The following GALNT18 variants were observed in gnomAD, a reference collection of about 807,000 sequenced individuals.
GALNT18 encodes the protein GalNAc-transferase 18.
In GALNT18, 44 loss-of-function variants were observed where a neutral mutation model predicts 69.5. The ratio of observed to expected loss-of-function variants is 0.63; its 90% confidence interval spans 0.50 to 0.81. The LOEUF (loss-of-function observed/expected upper bound fraction) is 0.81. Ranked by LOEUF, GALNT18 falls within the 40% of genes least tolerant of loss-of-function variation. The probability of loss-of-function intolerance (pLI) is 0.00; values close to 1 mark genes in which losing one functional copy is unlikely to be tolerated. For missense variants in GALNT18, 715 were observed against 810.0 expected (o/e 0.88, Z 1.42); for synonymous variants, 364 against 318.2 (o/e 1.14, Z -1.53).
intron 2 of GALNT18, among the ~76,000 whole-genome samples, chr11:11,445,969 G>A (rs1855641456): frequency 6.6e-6 from 1 of 152,190 alleles, no homozygotes; most frequent in African/African-American, 2.4e-5. Context: ...ACAGGTGAGA[G>A]TGGGTGGGGC....
intron 6 of GALNT18, among the ~76,000 whole-genome samples, chr11:11,358,373 C>T (rs115609187): frequency 0.017 from 2,412 of 140,184 alleles, 443 homozygotes; most frequent in African/African-American, 0.061. Flanking sequence ...CATTTTCCCC[C>T]TCAAACTATC....
rs867515627 is a variant in GALNT18 at position 11,505,388 on chromosome 11, G to A, written c.236-56452C>T. Among the ~76,000 whole-genome samples the A allele has an allele frequency of 1.3e-5, 2 of 152,156 alleles. No homozygotes were observed. Among genetic ancestry groups the A allele is most frequent in the African/African-American group, 4.8e-5 (2 of 41,416 alleles). ...CTTGAATCTCTATGAAGGATGGCAGGCAGATGGCATGCATACCAGCACTGA... is the reference window on the plus strand; with the variant it reads ...CTTGAATCTCTATGAAGGATGGCAGACAGATGGCATGCATACCAGCACTGA... On this transcript the variant is annotated intron_variant, in intron 1 of 10. Coordinates refer to ENST00000227756, the MANE Select transcript of GALNT18 (RefSeq NM_198516.3). This position sits in a 1 kb window ranked among gnomAD's most constrained non-coding sequence, Gnocchi z 4.6.
In GALNT18 at chr11:11,337,501, G is replaced by T. The variant is rs771012976; in HGVS notation, c.1278+3318C>A. Among the ~76,000 whole-genome samples, 1 of 152,190 alleles carries T rather than the reference G, an allele frequency of 6.6e-6. No individual in the cohort carries two copies. Among genetic ancestry groups the T allele is most frequent in the Non-Finnish European group, 1.5e-5 (1 of 68,042 alleles). On this transcript the variant is annotated intron_variant, in intron 7 of 10. Transcript: ENST00000227756. This position sits in a 1 kb window ranked among gnomAD's most constrained non-coding sequence, Gnocchi z 4.9. ...CCCAACTGATTTTGAAGTTCAGCCA[G>T]ATTTGAAAGCCACTGTTCTAATGAG...
Position 11,283,373 on chromosome 11 carries a change from C to T in GALNT18, c.1677+9656G>A, listed in dbSNP as rs534725945. 2.6e-3 allele frequency among the ~76,000 whole-genome samples: 403 copies of T among 152,296 alleles called. 3 individuals are homozygous for T. Among genetic ancestry groups the T allele is most frequent in the African/African-American group, 9.1e-3 (380 of 41,544 alleles). ...TGTTGGCCAGGCTGGTCTCGAACTC[C>T]TGACCTCAGGTGATCTGCCTGCCTC... is the stretch of plus-strand genomic sequence containing the variant. On this transcript the variant is annotated intron_variant, in intron 10 of 10. Coordinates refer to ENST00000227756, the MANE Select transcript of GALNT18 (RefSeq NM_198516.3).
Position 11,427,255 on chromosome 11 carries a change from A to T in GALNT18, c.595+5366T>A, listed in dbSNP as rs1855154738. ...CATAACGGCCACTTACAGAGCCTTC[A>T]GTCCCTGGCTTCTGAGCGAGAGCTA... On this transcript the variant is annotated intron_variant, in intron 3 of 10. Transcript: ENST00000227756. Among the ~76,000 whole-genome samples, 3 of 152,242 alleles carry T rather than the reference A, an allele frequency of 2.0e-5. No individual in the cohort carries two copies. The South Asian group carries it at 6.2e-4, about 31-fold the overall frequency.
chr11:11,303,718 C>T lies in GALNT18; in HGVS notation c.1513-10525G>A, dbSNP rs1325968838. ...GCAGCCATGATGACACCTGAGGTCC[C>T]TGCAAGGCAGACCTGGGGCTCTGAG... On this transcript the variant is annotated intron_variant, in intron 9 of 10. Transcript: ENST00000227756. Among the ~76,000 whole-genome samples, 5 of 152,224 alleles carry T rather than the reference C, an allele frequency of 3.3e-5. No individual in the cohort carries two copies. In the East Asian group the frequency reaches 9.6e-4, roughly 29 times the overall value.
intron 1 of GALNT18, among the ~76,000 whole-genome samples, chr11:11,594,480 C>T (rs910635240): frequency 5.3e-5 from 8 of 152,090 alleles, no homozygotes; most frequent in Non-Finnish European, 8.8e-5. Context: ...ATTTCCCATC[C>T]CCACACTCAG....
At position 11,500,207 on chromosome 11, in the gene GALNT18, G is replaced by A. The variant is rs74761948; in HGVS notation, c.236-51271C>T. Among the ~76,000 whole-genome samples the A allele has an allele frequency of 9.0e-3, 1,374 of 152,318 alleles. 14 individuals carry two copies. The highest frequency in any genetic ancestry group is 0.017 in the Middle Eastern group (5 of 292). ...AGGAGCCTATAGGGAGAAAGTCACA[G>A]CACAGGGTTCTAGAAAAGTATAGAT... is the stretch of plus-strand genomic sequence containing the variant. On this transcript the variant is annotated intron_variant, in intron 1 of 10. Transcript: ENST00000227756. The surrounding 1 kb of genome is among the most constrained non-coding windows in gnomAD (Gnocchi z 5.0).
chr11:11,480,004 C>T lies in GALNT18; in HGVS notation c.236-31068G>A, dbSNP rs1856488435. On this transcript the variant is annotated intron_variant, in intron 1 of 10. Coordinates refer to ENST00000227756, the MANE Select transcript of GALNT18 (RefSeq NM_198516.3). This position sits in a 1 kb window ranked among gnomAD's most constrained non-coding sequence, Gnocchi z 4.6. ...TGAGGAGAGAGGAGCAAGGCTGCTACCCCAAGCCCCACCAGGAGGCTAGAG... is the reference window on the plus strand; with the variant it reads ...TGAGGAGAGAGGAGCAAGGCTGCTATCCCAAGCCCCACCAGGAGGCTAGAG... Among the ~76,000 whole-genome samples, 1 of 152,126 alleles carries T rather than the reference C, an allele frequency of 6.6e-6. No homozygotes were observed. Among genetic ancestry groups the T allele is most frequent in the Non-Finnish European group, 1.5e-5 (1 of 68,026 alleles).
At position 11,341,516 on chromosome 11, in the gene GALNT18, G is replaced by C. The variant is rs9888210; in HGVS notation, c.1093-512C>G. 0.49 allele frequency among the ~76,000 whole-genome samples: 74,745 copies of C among 152,016 alleles called. 20,856 individuals are homozygous for C. Among genetic ancestry groups the C allele is most frequent in the African/African-American group, 0.77 (32,110 of 41,472 alleles). ...CACCCTTCTTCTAGTGCATCTTTCC[G>C]AGGCTCTGGGTTCTGACTGAATCTG... is the stretch of plus-strand genomic sequence containing the variant. On this transcript the variant is annotated intron_variant, in intron 6 of 10. Coordinates refer to ENST00000227756, the MANE Select transcript of GALNT18 (RefSeq NM_198516.3). The surrounding 1 kb of genome is among the most constrained non-coding windows in gnomAD (Gnocchi z 6.3).
At chr11:11,329,387 C>A (rs780635716) in intron 8 of GALNT18, among the ~76,000 whole-genome samples, 1 of 152,160 alleles carries the variant, frequency 6.6e-6, no homozygotes, top group Non-Finnish European at 1.5e-5. Context: ...GATATTATCT[C>A]TTTTAAGGAT....
At chr11:11,275,012 G>T (rs1214238604) in intron 10 of GALNT18, among the ~76,000 whole-genome samples, 1 of 152,216 alleles carries the variant, frequency 6.6e-6, no homozygotes, top group Non-Finnish European at 1.5e-5. Context: ...AAACATACAT[G>T]TGCATGGGTC....
chr11:11,520,466 G>A (rs1454317589), intron 1 of GALNT18, among the ~76,000 whole-genome samples: 1 of 152,216 alleles, frequency 6.6e-6, no homozygotes, highest in Non-Finnish European at 1.5e-5. Context: ...GCCCCAGCAT[G>A]TCAGACATCT....
At position 11,315,551 on chromosome 11, in the gene GALNT18, T is replaced by C. The variant is rs1298229427; in HGVS notation, c.1512+11535A>G. On this transcript the variant is annotated intron_variant, in intron 9 of 10. Transcript: ENST00000227756. The surrounding 1 kb of genome is among the most constrained non-coding windows in gnomAD (Gnocchi z 5.6). ...TTTCAGCCCAACTCTTAGCCTCCGA[T>C]GTCCCCTTTCTTCACCCGTGTAGAG... Among the ~76,000 whole-genome samples, 1 of 152,162 alleles carries C rather than the reference T, an allele frequency of 6.6e-6. No individual in the cohort carries two copies. Among genetic ancestry groups the C allele is most frequent in the Non-Finnish European group, 1.5e-5 (1 of 68,032 alleles).
chr11:11,339,190 G>T lies in GALNT18; in HGVS notation c.1278+1629C>A, dbSNP rs559585144. On this transcript the variant is annotated intron_variant, in intron 7 of 10. Transcript: ENST00000227756. The surrounding 1 kb of genome is among the most constrained non-coding windows in gnomAD (Gnocchi z 5.2). ...ACTGATCCTTTCCTTCTCCACCTAAGGCTTTATCCTGGGCAATTCCACCTC... is the reference window on the plus strand; with the variant it reads ...ACTGATCCTTTCCTTCTCCACCTAATGCTTTATCCTGGGCAATTCCACCTC... Among the ~76,000 whole-genome samples, 31 of 152,252 alleles carry T rather than the reference G, an allele frequency of 2.0e-4. No individual in the cohort carries two copies. Among genetic ancestry groups the T allele is most frequent in the Non-Finnish European group, 3.8e-4 (26 of 68,010 alleles).
intron 6 of GALNT18, among the ~76,000 whole-genome samples, chr11:11,355,263 A>C (rs1850506612): frequency 6.6e-6 from 1 of 152,214 alleles, no homozygotes; most frequent in South Asian, 2.1e-4. Flanking sequence ...AAAATATAAA[A>C]AATCCCTGAC....
chr11:11,345,750 C>T (rs1023884713), intron 6 of GALNT18, among the ~76,000 whole-genome samples: 4 of 152,094 alleles, frequency 2.6e-5, no homozygotes, highest in Admixed American at 1.3e-4. Context: ...GGAGAGACGG[C>T]AGGTAGCTGG....
At chr11:11,569,540 C>T (rs1858735000) in intron 1 of GALNT18, among the ~76,000 whole-genome samples, 1 of 152,200 alleles carries the variant, frequency 6.6e-6, no homozygotes, top group African/African-American at 2.4e-5. Context: ...GCCCAAGGGG[C>T]TGGGAGCTTT....
Position 11,314,837 on chromosome 11 carries a change from GCAGT to G in GALNT18, c.1512+12245_1512+12248del, listed in dbSNP as rs1234624655. On this transcript the variant is annotated intron_variant, in intron 9 of 10. Transcript: ENST00000227756. The surrounding 1 kb of genome is among the most constrained non-coding windows in gnomAD (Gnocchi z 5.2). ...CCTCTTCCCAGCCTTCGCCGTGGGA[GCAGT>G]TGCTCCTGGCTGTGACATAGTAAAA... Among the ~76,000 whole-genome samples, 1 of 150,088 alleles carries G rather than the reference GCAGT, an allele frequency of 6.7e-6. No homozygotes were observed. The highest frequency in any genetic ancestry group is 1.5e-5 in the Non-Finnish European group (1 of 66,764).
Sources: allele counts gnomAD v4.1 joint callset (sites outside exome capture counted in the v4.1 genomes callset), GRCh38; gene constraint gnomAD v4.1.1; non-coding constraint Gnocchi (gnomAD v3.1); transcripts MANE v1.5; gene names NCBI Gene and HGNC (gene_info 2026-07-23, HGNC 2026-07-21).